Variants in TMPRSS15 observed in about 807,000 individuals in gnomAD.
TMPRSS15 encodes the protein enteropeptidase.
Under a neutral mutation model 125.3 loss-of-function variants are expected in TMPRSS15, and 128 were observed. The observed-to-expected ratio is 1.02, with a 90% CI of 0.89 to 1.18. The LOEUF is 1.18. TMPRSS15 is among the 50% of genes most tolerant of loss of function. The pLI, the probability that TMPRSS15 is intolerant of heterozygous loss-of-function variation, is 0.00. For synonymous variants in TMPRSS15, 446 were observed against 423.2 expected, an observed-to-expected ratio of 1.05 and a Z score of -0.66; for missense variants, 1,283 against 1,212.7, an observed-to-expected ratio of 1.06 and a Z score of -0.86.
chr21:18,468,027 A>T (rs1310667517), intron 1 of TMPRSS15, among the ~76,000 whole-genome samples: 2 of 152,106 alleles, frequency 1.3e-5, no homozygotes, highest in Non-Finnish European at 2.9e-5. Context: ...TTCCACAAAA[A>T]GTTGAAAAGA....
chr21:18,370,022 AG>A (rs2075776904), intron 6 of TMPRSS15, among the ~76,000 whole-genome samples: 1 of 151,536 alleles, frequency 6.6e-6, no homozygotes, highest in Non-Finnish European at 1.5e-5. Flanking sequence ...ACGGTGTGTA[AG>A]CTTGAGAGAG....
chr21:18,312,970 C>T lies in TMPRSS15; in HGVS notation c.2140G>A (p.Asp714Asn). ...AENWTTQISN[D>N]VCQLLGLGSG... ...CCTAGTCCCAGCAGTTGACAAACAT[C>T]ATTTGAAATCTGGGTGGTCCAGTTC... The change falls in exon 18 of 25, where the codon GAT becomes AAT. Residue 714 changes from aspartate (D) to asparagine (N), a missense_variant. By Grantham distance (23) the Asp-to-Asn change is conservative (BLOSUM62 1). Transcript: ENST00000284885. 2 of 1,613,876 alleles carry T rather than the reference C, an allele frequency of 1.2e-6. No individual in the cohort carries two copies. Among genetic ancestry groups the T allele is most frequent in the East Asian group, 2.2e-5 (1 of 44,862 alleles).
At chr21:18,426,714 T>C (rs764912724) in intron 1 of TMPRSS15, among the ~76,000 whole-genome samples, 1 of 152,230 alleles carries the variant, frequency 6.6e-6, no homozygotes, top group Non-Finnish European at 1.5e-5. Flanking sequence ...ATTTCATGCA[T>C]TGTCAAAGAT....
chr21:18,454,352 C>T (rs1978398777), intron 1 of TMPRSS15, among the ~76,000 whole-genome samples: 2 of 152,008 alleles, frequency 1.3e-5, no homozygotes, highest in Non-Finnish European at 2.9e-5. Flanking sequence ...TTTTCTTTTG[C>T]CCCGAAGCCA....
At chr21:18,418,428 C>T (rs962219881) in intron 1 of TMPRSS15, among the ~76,000 whole-genome samples, 1 of 152,154 alleles carries the variant, frequency 6.6e-6, no homozygotes, top group Non-Finnish European at 1.5e-5. Context: ...TACGTAGAAG[C>T]GACAGTGGCC....
chr21:18,420,274 G>A (rs2076189512), intron 1 of TMPRSS15, among the ~76,000 whole-genome samples: 2 of 152,264 alleles, frequency 1.3e-5, no homozygotes, highest in African/African-American at 2.4e-5. Flanking sequence ...TCTGTGATTC[G>A]AGTAAACCTC....
intron 1 of TMPRSS15, among the ~76,000 whole-genome samples, chr21:18,398,601 A>G (rs1056402926): frequency 6.6e-6 from 1 of 152,056 alleles, no homozygotes; most frequent in Non-Finnish European, 1.5e-5. Context: ...CAAGCTTCCA[A>G]ATTTTCATTA....
chr21:18,425,984 T>A (rs1334262325), intron 1 of TMPRSS15, among the ~76,000 whole-genome samples: 1 of 152,166 alleles, frequency 6.6e-6, no homozygotes, highest in South Asian at 2.1e-4. Flanking sequence ...TAACAAAATA[T>A]TAATAAAATA....
chr21:18,408,981 A>G (rs2123163628), intron 1 of TMPRSS15, among the ~76,000 whole-genome samples: 1 of 152,168 alleles, frequency 6.6e-6, no homozygotes, highest in South Asian at 2.1e-4. Flanking sequence ...ATCATCAGTC[A>G]GCTTGTTTTA....
In TMPRSS15 at chr21:18,315,390, AGTAAATGAGAGTTAATGGGT is replaced by A. The variant is rs1478669251; in HGVS notation, c.1922-154_1922-135del. 4.3e-6 allele frequency: 3 copies of A among 695,752 alleles called. No individual in the cohort carries two copies. In the East Asian group the frequency reaches 8.2e-5, roughly 19 times the overall value. The allele number at this position is 695,752 out of a possible 1,614,324, so 43.1% of individuals were successfully genotyped here. ...CAAGGTGGAACCAGCTTTGATACTG[AGTAAATGAGAGTTAATGGGT>A]GCAGCACACCAACATGGCACATGTA... is the stretch of plus-strand genomic sequence containing the variant. On this transcript the variant is annotated intron_variant, in intron 16 of 24. Coordinates refer to ENST00000284885, the MANE Select transcript of TMPRSS15 (RefSeq NM_002772.3).
At chr21:18,326,208 T>C (rs555964772) in intron 16 of TMPRSS15, among the ~76,000 whole-genome samples, 1 of 152,224 alleles carries the variant, frequency 6.6e-6, no homozygotes, top group African/African-American at 2.4e-5. Context: ...ATCAGAGAAA[T>C]CCAAGTAGGT....
intron 1 of TMPRSS15, among the ~76,000 whole-genome samples, chr21:18,457,434 G>A (rs780366118): frequency 6.6e-6 from 1 of 152,042 alleles, no homozygotes; most frequent in Non-Finnish European, 1.5e-5. Context: ...TATTACGTTG[G>A]AATGGGTGCT....
At chr21:18,427,134 T>C (rs1235727942) in intron 1 of TMPRSS15, among the ~76,000 whole-genome samples, 1 of 152,204 alleles carries the variant, frequency 6.6e-6, no homozygotes, top group Admixed American at 6.5e-5. Context: ...CTTATGTAAG[T>C]TGTATAAGGC....
intron 13 of TMPRSS15, among the ~76,000 whole-genome samples, chr21:18,338,537 A>G (rs13047279): frequency 0.19 from 29,091 of 152,072 alleles, 3,310 homozygotes; most frequent in Non-Finnish European, 0.25. Flanking sequence ...ATGAAGTGAG[A>G]CAATTATTTT....
intron 1 of TMPRSS15, among the ~76,000 whole-genome samples, chr21:18,399,327 CA>C (rs2076072950): frequency 6.6e-6 from 1 of 152,004 alleles, no homozygotes; most frequent in African/African-American, 2.4e-5. Flanking sequence ...ACATTGACAC[CA>C]AACTATCCCA....
rs958412629 is a variant in TMPRSS15, at chr21:18,387,276, G to T, written c.345-3498C>A. ...AAGTACTAGTCCTTGTAAAATAACA[G>T]TTTTTCTCTAAGGCAGAGAAATCCT... is the stretch of plus-strand genomic sequence containing the variant. On this transcript the variant is annotated intron_variant, in intron 3 of 24. Coordinates refer to ENST00000284885, the MANE Select transcript of TMPRSS15 (RefSeq NM_002772.3). 3.9e-4 allele frequency among the ~76,000 whole-genome samples: 60 copies of T among 152,220 alleles called. 1 individual carries two copies. Among genetic ancestry groups the T allele is most frequent in the African/African-American group, 1.3e-3 (55 of 41,548 alleles).
intron 1 of TMPRSS15, among the ~76,000 whole-genome samples, chr21:18,474,638 G>T (rs1978843595): frequency 6.6e-6 from 1 of 152,056 alleles, no homozygotes; most frequent in Non-Finnish European, 1.5e-5. Flanking sequence ...AGTGCAAGGT[G>T]GCTGTTATGA....
chr21:18,438,181 A>G (rs944282147), intron 1 of TMPRSS15, among the ~76,000 whole-genome samples: 22 of 151,076 alleles, frequency 1.5e-4, no homozygotes, highest in African/African-American at 4.9e-4. Context: ...TTGTAGGGAC[A>G]TGGATGAAAT....
At chr21:18,445,131 G>T (rs1398741109) in intron 1 of TMPRSS15, among the ~76,000 whole-genome samples, 1 of 151,496 alleles carries the variant, frequency 6.6e-6, no homozygotes, top group African/African-American at 2.4e-5. Flanking sequence ...CATTTTATTT[G>T]GCTGGCTAGT....
Sources: gnomAD v4.1 joint callset for allele counts (sites outside exome capture counted in the v4.1 genomes callset) on GRCh38, gnomAD v4.1.1 for gene constraint, MANE v1.5 for transcripts, NCBI Gene and HGNC (gene_info 2026-07-23, HGNC 2026-07-21) for gene names.